Variants in DIPK1A observed in about 807,000 individuals in gnomAD.
The protein encoded by DIPK1A is divergent protein kinase domain 1A, also known as family with sequence similarity 69 member A.
In DIPK1A, 27 loss-of-function variants were observed where a neutral mutation model predicts 40.8. The ratio of observed to expected loss-of-function variants is 0.66; its 90% CI spans 0.49 to 0.91. The LOEUF is 0.91. Among genes scored for constraint, DIPK1A ranks in the 40% least tolerant of loss-of-function variants. DIPK1A has a pLI of 0.00. For missense variants in DIPK1A, 412 were observed against 505.7 expected (o/e 0.81, Z 1.78); for synonymous variants, 166 against 171.3 (o/e 0.97, Z 0.24).
intron 1 of DIPK1A, among the ~76,000 whole-genome samples, chr1:92,913,057 G>T (rs934340254): frequency 1.3e-5 from 2 of 152,022 alleles, no homozygotes; most frequent in Non-Finnish European, 2.9e-5. Context: ...TGAGCAGCCT[G>T]AGTGACAGAG....
rs764694939 is a variant in DIPK1A at position 92,855,003 on chromosome 1, A to T, written c.190-4048T>A. ...CTCTGACCACATATAAATAAAAAAT[A>T]AGTGGAAGAAAAAAAGTCAAGTTGA... On this transcript the variant is annotated intron_variant, in intron 2 of 4. Transcript: ENST00000370310. 2.9e-4 allele frequency among the ~76,000 whole-genome samples: 44 copies of T among 152,302 alleles called. 1 individual carries two copies. The highest frequency in any genetic ancestry group is 3.4e-3 in the Middle Eastern group (1 of 294).
intron 1 of DIPK1A, 108 bp downstream of exon 1, chr1:92,961,268 G>A (rs1196852106): frequency 2.2e-5 from 16 of 712,186 alleles, no homozygotes; most frequent in African/African-American, 7.6e-5. Context: ...GGGTTCGGGC[G>A]GGCACAGACC....
intron 2 of DIPK1A, among the ~76,000 whole-genome samples, chr1:92,863,421 A>G (rs1647370277): frequency 6.6e-6 from 1 of 152,154 alleles, no homozygotes; most frequent in South Asian, 2.1e-4. Flanking sequence ...CATGAAGGCC[A>G]CCAGAAGTGC....
chr1:92,952,505 A>C (rs914843758), intron 1 of DIPK1A, among the ~76,000 whole-genome samples: 1 of 152,136 alleles, frequency 6.6e-6, no homozygotes, highest in Non-Finnish European at 1.5e-5. Context: ...CTGTGGGCCC[A>C]GCTATTTGGG....
At chr1:92,842,064 T>C, downstream of DIPK1A, 3 of 791,922 alleles carry the variant, frequency 3.8e-6, no homozygotes, top group East Asian at 3.6e-5. Flanking sequence ...TGTTATTTCT[T>C]GGGCTTCTGT....
Position 92,879,120 on chromosome 1 carries a change from C to T in DIPK1A, c.55-2690G>A, listed in dbSNP as rs542099565. On this transcript the variant is annotated intron_variant, in intron 1 of 4. Coordinates refer to ENST00000370310, the MANE Select transcript of DIPK1A (RefSeq NM_001006605.5). The stretch of plus-strand genomic sequence containing the variant: ...GCTTGAGCCTGGGAGGCAGAGGTTG[C>T]AGTGAGCCAAGATCGCACCACTGCA... Among the ~76,000 whole-genome samples, 7 of 152,176 alleles carry T rather than the reference C, an allele frequency of 4.6e-5. 1 individual carries two copies. The South Asian group carries it at 1.2e-3, about 27-fold the overall frequency.
chr1:92,838,984 C>G (rs1014056964), downstream of DIPK1A, among the ~76,000 whole-genome samples: 3 of 148,620 alleles, frequency 2.0e-5, no homozygotes, highest in Middle Eastern at 7.1e-3. Flanking sequence ...ATTACTGTGA[C>G]ATAGTCTGTA....
Position 92,855,178 on chromosome 1 carries a change from G to C in DIPK1A, c.190-4223C>G, listed in dbSNP as rs150303980. Among the ~76,000 whole-genome samples the C allele has an allele frequency of 1.4e-3, 206 of 152,214 alleles. 2 individuals carry two copies. Among genetic ancestry groups the C allele is most frequent in the African/African-American group, 4.8e-3 (199 of 41,524 alleles). Reference sequence around the variant, plus strand: ...AAGCATATTCCTAAATAATTTGTGGGTTAAAGTAGAAATTACCATGGAAAT... The same window carrying C: ...AAGCATATTCCTAAATAATTTGTGGCTTAAAGTAGAAATTACCATGGAAAT... On this transcript the variant is annotated intron_variant, in intron 2 of 4. Coordinates refer to ENST00000370310, the MANE Select transcript of DIPK1A (RefSeq NM_001006605.5).
chr1:92,837,574 G>A, downstream of DIPK1A: 1 of 1,612,084 alleles, frequency 6.2e-7, no homozygotes, highest in Non-Finnish European at 8.5e-7. Flanking sequence ...GGAAGAAGAT[G>A]AAGATGCTTA....
chr1:92,844,461 G>GTTA (rs1687508000), intron 4 of DIPK1A, among the ~76,000 whole-genome samples: 1 of 151,994 alleles, frequency 6.6e-6, no homozygotes, highest in South Asian at 2.1e-4. Flanking sequence ...GTCCCCTTCA[G>GTTA]GCCCCTTAGA....
intron 2 of DIPK1A, among the ~76,000 whole-genome samples, chr1:92,865,594 GC>G (rs1390763211): frequency 2.0e-5 from 3 of 152,120 alleles, no homozygotes; most frequent in Non-Finnish European, 4.4e-5. Context: ...AGTTTTAAAA[GC>G]CTATTATCCA....
chr1:92,888,907 G>T (rs944045817), intron 1 of DIPK1A, among the ~76,000 whole-genome samples: 8 of 151,986 alleles, frequency 5.3e-5, no homozygotes, highest in Non-Finnish European at 1.0e-4. Context: ...TGTATATTCT[G>T]GATATTAATT....
intron 1 of DIPK1A, among the ~76,000 whole-genome samples, chr1:92,914,216 G>A (rs551170176): frequency 6.6e-6 from 1 of 151,306 alleles, no homozygotes; most frequent in East Asian, 1.9e-4. Flanking sequence ...TCTGTCAGAT[G>A]AATTGGATTA....
At chr1:92,913,141 T>C (rs767087250) in intron 1 of DIPK1A, among the ~76,000 whole-genome samples, 67 of 152,170 alleles carry the variant, frequency 4.4e-4, no homozygotes, top group Non-Finnish European at 7.9e-4. Flanking sequence ...ACAGCTATCT[T>C]ATTCATGCCA....
intron 1 of DIPK1A, among the ~76,000 whole-genome samples, chr1:92,891,723 G>T (rs182649621): frequency 1.1e-4 from 16 of 152,264 alleles, no homozygotes; most frequent in Middle Eastern, 3.4e-3. Flanking sequence ...TGCCTCACCC[G>T]GGAAGAGGAA....
In DIPK1A at chr1:92,928,570, A is replaced by G. The variant is rs535251103; in HGVS notation, c.54+32806T>C. On this transcript the variant is annotated intron_variant, in intron 1 of 4. Coordinates refer to ENST00000370310, the MANE Select transcript of DIPK1A (RefSeq NM_001006605.5). Reference sequence around the variant, plus strand: ...TTTAGCCTGAAGTACTTATTTTACCATTTCTTATATTACAGGTCTGCTGGT... The same window carrying G: ...TTTAGCCTGAAGTACTTATTTTACCGTTTCTTATATTACAGGTCTGCTGGT... Among the ~76,000 whole-genome samples, 4 of 152,228 alleles carry G rather than the reference A, an allele frequency of 2.6e-5. No individual in the cohort carries two copies. In the East Asian group the frequency reaches 7.7e-4, roughly 29 times the overall value.
chr1:92,942,036 G>A (rs1397752663), intron 1 of DIPK1A, among the ~76,000 whole-genome samples: 1 of 151,204 alleles, frequency 6.6e-6, no homozygotes, highest in Non-Finnish European at 1.5e-5. Flanking sequence ...CAGCAACACC[G>A]CCAGCACAGG....
At chr1:92,863,587 A>AAC (rs1166924534) in intron 2 of DIPK1A, among the ~76,000 whole-genome samples, 1 of 151,198 alleles carries the variant, frequency 6.6e-6, no homozygotes, top group Non-Finnish European at 1.5e-5. Flanking sequence ...AAAAAAAAAA[A>AAC]AACCCACAAA....
intron 1 of DIPK1A, chr1:92,933,167 C>CA (rs748705936): frequency 1.1e-4 from 16 of 151,758 alleles, no homozygotes; most frequent in Non-Finnish European, 2.1e-4. Flanking sequence ...GAAAAACAAA[C>CA]AAAAACCCCC....
Sources: gnomAD v4.1 joint callset for allele counts (sites outside exome capture counted in the v4.1 genomes callset) on GRCh38, gnomAD v4.1.1 for gene constraint, MANE v1.5 for transcripts, NCBI Gene and HGNC (gene_info 2026-07-23, HGNC 2026-07-21) for gene names.